Variants in ASTN1 observed in about 807,000 individuals in gnomAD.
ASTN1 encodes astrotactin 1, also known as astrotactin-1.
In ASTN1, 41 loss-of-function variants were observed where a neutral mutation model predicts 140.7. The observed-to-expected ratio is 0.29, with a 90% confidence interval of 0.23 to 0.38. The LOEUF (loss-of-function observed/expected upper bound fraction) is 0.38, where lower values mean the gene tolerates loss of function less well. ASTN1 is among the 10% of genes least tolerant of loss of function. The pLI is 1.00. For synonymous variants in ASTN1, 640 were observed against 652.2 expected, an observed-to-expected ratio of 0.98 and a Z score of 0.29; for missense variants, 1,479 against 1,678.8, an observed-to-expected ratio of 0.88 and a Z score of 2.08.
chr1:176,864,589 T>G, intron 22 of ASTN1, 68 bp from the exon 23 acceptor site: 1 of 1,571,470 alleles, frequency 6.4e-7, no homozygotes, highest in Non-Finnish European at 8.6e-7. Flanking sequence ...ACAGCTACTG[T>G]TAGTGTGAGA....
At chr1:176,917,651 G>A (rs183987244) in intron 16 of ASTN1, among the ~76,000 whole-genome samples, 10 of 152,258 alleles carry the variant, frequency 6.6e-5, no homozygotes, top group Non-Finnish European at 1.2e-4. Context: ...TAGAGTAAGG[G>A]GTGCTGGGCT....
chr1:177,083,861 C>T (rs187359081), intron 1 of ASTN1, among the ~76,000 whole-genome samples: 1 of 152,332 alleles, frequency 6.6e-6, no homozygotes, highest in African/African-American at 2.4e-5. Context: ...GAAAGCACTT[C>T]TGCCTTTCAG....
At chr1:176,879,839 A>G (rs1364741150) in intron 20 of ASTN1, among the ~76,000 whole-genome samples, 2 of 152,230 alleles carry the variant, frequency 1.3e-5, no homozygotes, top group Non-Finnish European at 2.9e-5. Flanking sequence ...CCTAAGGGCC[A>G]TTCCTCAGTA....
At chr1:176,976,836 C>A (rs552092060) in intron 8 of ASTN1, 1 of 152,304 alleles carries the variant, frequency 6.6e-6, no homozygotes, top group African/African-American at 2.4e-5. Flanking sequence ...CATGTGTCCC[C>A]GGACACCCAT....
intron 2 of ASTN1, among the ~76,000 whole-genome samples, chr1:177,054,213 G>A (rs1406701927): frequency 6.6e-6 from 1 of 152,102 alleles, no homozygotes; most frequent in Non-Finnish European, 1.5e-5. Flanking sequence ...CAGTCCCCTT[G>A]TCTGCAAAAT....
At chr1:177,099,552 T>G (rs1680203194) in intron 1 of ASTN1, among the ~76,000 whole-genome samples, 1 of 152,192 alleles carries the variant, frequency 6.6e-6, no homozygotes, top group Non-Finnish European at 1.5e-5. Context: ...TGGTGCTTGA[T>G]GAATTTTTCT....
At chr1:177,156,913 A>G (rs1266322146) in intron 1 of ASTN1, among the ~76,000 whole-genome samples, 1 of 152,206 alleles carries the variant, frequency 6.6e-6, no homozygotes, top group African/African-American at 2.4e-5. Context: ...TAATCATGAG[A>G]AAAACATCAG....
intron 16 of ASTN1, among the ~76,000 whole-genome samples, chr1:176,931,120 C>T (rs527317446): frequency 4.6e-5 from 7 of 152,162 alleles, no homozygotes; most frequent in East Asian, 3.9e-4. Context: ...GACATGGGGA[C>T]GGGGAGGTTG....
At chr1:176,865,561 ACT>A (rs1380741569) in intron 22 of ASTN1, among the ~76,000 whole-genome samples, 4 of 152,170 alleles carry the variant, frequency 2.6e-5, no homozygotes, top group Non-Finnish European at 5.9e-5. Context: ...GAAGGAAGAC[ACT>A]CTCATTTGAA....
chr1:177,047,534 C>T (rs1677301115), intron 2 of ASTN1, among the ~76,000 whole-genome samples: 1 of 152,122 alleles, frequency 6.6e-6, no homozygotes, highest in African/African-American at 2.4e-5. Context: ...GTTCAAGCTG[C>T]ATTTTATTAG....
At chr1:176,969,465 G>A (rs1053452545) in intron 8 of ASTN1, among the ~76,000 whole-genome samples, 1 of 152,186 alleles carries the variant, frequency 6.6e-6, no homozygotes, top group Non-Finnish European at 1.5e-5. Context: ...GGTAAGCAGA[G>A]GCTTCTAAAG....
chr1:177,011,480 T>G (rs550806315), intron 8 of ASTN1, among the ~76,000 whole-genome samples: 48 of 152,172 alleles, frequency 3.2e-4, no homozygotes, highest in African/African-American at 1.1e-3. Context: ...TGAATATCTG[T>G]TGAAAACACA....
intron 1 of ASTN1, among the ~76,000 whole-genome samples, chr1:177,070,654 G>A (rs1236709604): frequency 2.0e-5 from 3 of 152,088 alleles, no homozygotes; most frequent in Admixed American, 6.5e-5. Context: ...TGACCCTTTC[G>A]TGTGAGTATG....
At chr1:176,998,238 A>G (rs1002778097) in intron 8 of ASTN1, among the ~76,000 whole-genome samples, 1 of 152,230 alleles carries the variant, frequency 6.6e-6, no homozygotes, top group African/African-American at 2.4e-5. Flanking sequence ...GGAGCAAATA[A>G]TATGAATACT....
At chr1:177,147,223 T>C (rs1336370995) in intron 1 of ASTN1, among the ~76,000 whole-genome samples, 1 of 152,176 alleles carries the variant, frequency 6.6e-6, no homozygotes, top group East Asian at 1.9e-4. Context: ...TAGTTTTCAC[T>C]ACAAAGACAC....
chr1:177,040,330 C>T (rs888833091), intron 2 of ASTN1, among the ~76,000 whole-genome samples: 5 of 152,190 alleles, frequency 3.3e-5, no homozygotes, highest in Non-Finnish European at 7.3e-5. Context: ...TCTGGGGCTC[C>T]TGGTATGAAT....
Position 176,943,954 on chromosome 1 carries a change from G to A in ASTN1, c.2314C>T (p.Pro772Ser). 1 of 1,614,032 alleles carries A rather than the reference G, an allele frequency of 6.2e-7. No homozygotes were observed. Among genetic ancestry groups the A allele is most frequent in the South Asian group, 1.1e-5 (1 of 91,054 alleles). The change falls in exon 14 of 23, where the codon CCC (proline) becomes TCC (serine). Residue 772 changes from proline to serine, a missense_variant. This residue lies in a region of ASTN1 where 746 missense variants were observed against 800.9 expected (regional missense o/e 0.93). Coordinates refer to ENST00000361833, the MANE Select transcript of ASTN1 (RefSeq NM_004319.3). Reference protein sequence around the residue: ...LPDGLVVATVPLENQCLEEIS... With the variant: ...LPDGLVVATVSLENQCLEEIS... The stretch of plus-strand genomic sequence containing the variant: ...TCCTCTAGGCATTGATTCTCCAGGG[G>A]CACAGTGGCCACCACAAGACCATCT...
chr1:176,934,343 A>C lies in ASTN1; in HGVS notation c.2483-3T>G. Reference sequence around the variant, plus strand: ...CGAGTGGAGAGCATTGCTGAGGGCTATGGAGAGGCATCACCCAAGGGTAAG... The same window carrying C: ...CGAGTGGAGAGCATTGCTGAGGGCTCTGGAGAGGCATCACCCAAGGGTAAG... On this transcript the variant is annotated splice_region_variant and splice_polypyrimidine_tract_variant and intron_variant, in intron 15 of 22. Transcript: ENST00000361833. The C allele has an allele frequency of 6.2e-7, 1 of 1,601,708 alleles. No homozygotes were observed. Among genetic ancestry groups the C allele is most frequent in the Non-Finnish European group, 8.5e-7 (1 of 1,169,820 alleles).
intron 14 of ASTN1, among the ~76,000 whole-genome samples, chr1:176,942,997 T>C (rs1671805708): frequency 6.6e-6 from 1 of 150,860 alleles, no homozygotes. Flanking sequence ...AAATGAACTT[T>C]CTAAATTAAC....
Sources: allele counts gnomAD v4.1 joint callset (sites outside exome capture counted in the v4.1 genomes callset), GRCh38; gene constraint gnomAD v4.1.1; regional missense constraint gnomAD v4.1.1; transcripts MANE v1.5; gene names NCBI Gene and HGNC (gene_info 2026-07-23, HGNC 2026-07-21).